Variants in LRRC4C observed in about 807,000 individuals in gnomAD.
LRRC4C encodes the protein leucine-rich repeat-containing protein 4C.
LRRC4C carries 5 observed loss-of-function variants against 33.6 expected under a neutral mutation model. That is an observed-to-expected ratio of 0.15 (90% confidence interval 0.08 to 0.31). LRRC4C has a LOEUF of 0.31. Among genes scored for constraint, LRRC4C ranks in the 10% least tolerant of loss-of-function variants. The pLI, the probability that LRRC4C is intolerant of heterozygous loss-of-function variation, is 1.00. For missense variants in LRRC4C, 560 were observed against 796.7 expected (o/e 0.70, Z 3.58); for synonymous variants, 329 against 302.0 (o/e 1.09, Z -0.93).
At chr11:40,800,827 A>C (rs1951011531) in intron 2 of LRRC4C, among the ~76,000 whole-genome samples, 1 of 152,210 alleles carries the variant, frequency 6.6e-6, no homozygotes, top group Non-Finnish European at 1.5e-5. Context: ...ATTGAATATA[A>C]TACAAGCTAT....
At chr11:41,114,252 C>A (rs1374855792) in intron 1 of LRRC4C, among the ~76,000 whole-genome samples, 1 of 151,872 alleles carries the variant, frequency 6.6e-6, no homozygotes, top group Non-Finnish European at 1.5e-5. Context: ...TTTTAAAAAT[C>A]TGTTATTTAT....
chr11:41,187,515 C>G (rs946170367), intron 1 of LRRC4C, among the ~76,000 whole-genome samples: 1 of 152,156 alleles, frequency 6.6e-6, no homozygotes, highest in South Asian at 2.1e-4. Flanking sequence ...CACTCCATCC[C>G]CCTTCTGGCC....
At chr11:40,743,668 G>A (rs1213700866) in intron 2 of LRRC4C, among the ~76,000 whole-genome samples, 2 of 152,086 alleles carry the variant, frequency 1.3e-5, no homozygotes, top group African/African-American at 2.4e-5. Flanking sequence ...GTGAAAGTGA[G>A]ACTTTTAAAT....
intron 1 of LRRC4C, among the ~76,000 whole-genome samples, chr11:41,284,876 A>G (rs913685238): frequency 1.3e-5 from 2 of 152,210 alleles, no homozygotes; most frequent in African/African-American, 4.8e-5. Context: ...TAACACCTGA[A>G]AATAGCACAA....
intron 2 of LRRC4C, among the ~76,000 whole-genome samples, chr11:40,689,254 G>C (rs1462800334): frequency 6.6e-6 from 1 of 151,970 alleles, no homozygotes. Flanking sequence ...ATTTGTGGAG[G>C]CTTAGAGAGG....
At chr11:40,940,130 A>T (rs968742005) in intron 1 of LRRC4C, among the ~76,000 whole-genome samples, 1 of 152,104 alleles carries the variant, frequency 6.6e-6, no homozygotes, top group Admixed American at 6.6e-5. Flanking sequence ...ACACTGTCAC[A>T]GTGTCATCCC....
intron 4 of LRRC4C, among the ~76,000 whole-genome samples, chr11:40,296,149 T>G (rs2136628529): frequency 6.6e-6 from 1 of 152,290 alleles, no homozygotes; most frequent in Non-Finnish European, 1.5e-5. Context: ...CAGGGACAGG[T>G]AAGTGCTATT....
chr11:40,707,358 G>A (rs1469383506), intron 2 of LRRC4C, among the ~76,000 whole-genome samples: 2 of 152,088 alleles, frequency 1.3e-5, no homozygotes, highest in Non-Finnish European at 2.9e-5. Context: ...GTCATAAATA[G>A]CTCTTATTAT....
chr11:41,162,253 C>A (rs188107418), intron 1 of LRRC4C, among the ~76,000 whole-genome samples: 12 of 152,262 alleles, frequency 7.9e-5, no homozygotes, highest in African/African-American at 2.9e-4. Context: ...TCGGACTAAG[C>A]TATGTCACCC....
chr11:41,253,033 A>G (rs953908088), intron 1 of LRRC4C, among the ~76,000 whole-genome samples: 5 of 152,098 alleles, frequency 3.3e-5, no homozygotes, highest in Non-Finnish European at 7.4e-5. Flanking sequence ...TAACTCACCA[A>G]AATGTTATTT....
intron 2 of LRRC4C, among the ~76,000 whole-genome samples, chr11:40,720,816 G>A (rs1326791479): frequency 1.3e-5 from 2 of 152,178 alleles, no homozygotes; most frequent in African/African-American, 2.4e-5. Flanking sequence ...ATAGTATGAT[G>A]TATAGGTGTT....
chr11:40,299,358 C>T (rs1372581348), intron 4 of LRRC4C, among the ~76,000 whole-genome samples: 1 of 152,162 alleles, frequency 6.6e-6, no homozygotes, highest in East Asian at 1.9e-4. Flanking sequence ...TTTAGAGAGA[C>T]CACTATCAGA....
intron 1 of LRRC4C, among the ~76,000 whole-genome samples, chr11:40,965,374 G>T (rs1309254066): frequency 1.3e-5 from 2 of 151,830 alleles, no homozygotes; most frequent in Non-Finnish European, 1.5e-5. Context: ...TTAGTTTAAT[G>T]AGGTCCCATT....
At chr11:40,783,677 A>C (rs1164352506) in intron 2 of LRRC4C, among the ~76,000 whole-genome samples, 1 of 152,118 alleles carries the variant, frequency 6.6e-6, no homozygotes, top group African/African-American at 2.4e-5. Context: ...TATACACTTG[A>C]TTGCAACAGT....
At chr11:40,663,577 G>A (rs1048277863) in intron 2 of LRRC4C, among the ~76,000 whole-genome samples, 1 of 152,094 alleles carries the variant, frequency 6.6e-6, no homozygotes, top group African/African-American at 2.4e-5. Flanking sequence ...AAAATGGTGG[G>A]GGAAGAACTT....
At chr11:40,839,274 G>A (rs12808498) in intron 2 of LRRC4C, among the ~76,000 whole-genome samples, 538 of 151,588 alleles carry the variant, frequency 3.5e-3, no homozygotes, top group African/African-American at 0.012. Flanking sequence ...TCACTCTGTC[G>A]CCCAGGCTGG....
chr11:40,536,868 G>T (rs1956496713), intron 3 of LRRC4C, among the ~76,000 whole-genome samples: 1 of 151,990 alleles, frequency 6.6e-6, no homozygotes, highest in Non-Finnish European at 1.5e-5. Context: ...CACAGCCATT[G>T]TCATCATCAT....
rs186821600 is a variant in LRRC4C at position 41,098,124 on chromosome 11, G to A, written c.-495-164401C>T. Reference sequence around the variant, plus strand: ...CTCACCCCTGGTTCAAAGTAGATACGGACACTAACATGGGGGGCTGCTCCT... The same window carrying A: ...CTCACCCCTGGTTCAAAGTAGATACAGACACTAACATGGGGGGCTGCTCCT... On this transcript the variant is annotated intron_variant, in intron 1 of 6. Transcript: ENST00000528697. Among the ~76,000 whole-genome samples, 330 of 152,136 alleles carry A rather than the reference G, an allele frequency of 2.2e-3. 6 individuals carry two copies. Among genetic ancestry groups the A allele is most frequent in the Admixed American group, 0.019 (284 of 15,260 alleles).
At chr11:41,253,696 G>A (rs1323148118) in intron 1 of LRRC4C, among the ~76,000 whole-genome samples, 6 of 152,110 alleles carry the variant, frequency 3.9e-5, no homozygotes, top group Non-Finnish European at 8.8e-5. Flanking sequence ...AAATTGCTAA[G>A]ACCTCTTTCA....
Sources: allele counts gnomAD v4.1 joint callset (sites outside exome capture counted in the v4.1 genomes callset), GRCh38; gene constraint gnomAD v4.1.1; transcripts MANE v1.5; gene names NCBI Gene and HGNC (gene_info 2026-07-23, HGNC 2026-07-21).